The following EZH2 variants were observed in gnomAD, a reference collection of about 807,000 sequenced individuals.
EZH2 encodes histone-lysine N-methyltransferase EZH2.
In EZH2, 18 loss-of-function variants were observed where a neutral mutation model predicts 98.4. That is an observed-to-expected ratio of 0.18 (90% CI 0.13 to 0.27). EZH2 has a LOEUF of 0.27. Among genes scored for constraint, EZH2 ranks in the 10% least tolerant of loss-of-function variants. The pLI is 1.00. For synonymous variants in EZH2, 338 were observed against 312.3 expected, an observed-to-expected ratio of 1.08 and a Z score of -0.87; for missense variants, 470 against 935.1, an observed-to-expected ratio of 0.50 and a Z score of 6.49.
At chr7:148,836,789 T>C (rs1471542782) in intron 3 of EZH2, 1 of 484,170 alleles carries the variant, frequency 2.1e-6, no homozygotes, top group Non-Finnish European at 4.1e-6. Flanking sequence ...TACTGGTAAG[T>C]AACCAGGTTC....
intron 3 of EZH2, among the ~76,000 whole-genome samples, chr7:148,837,361 A>C (rs137995640): frequency 6.6e-6 from 1 of 152,214 alleles, no homozygotes; most frequent in African/African-American, 2.4e-5. Context: ...AGGAAGGTGC[A>C]GGAAGGTCGG....
Position 148,815,546 on chromosome 7 carries a change from C to T in EZH2, c.1506G>A (p.Arg502=). The change falls in exon 13 of 20, where the codon CGG becomes CGA. Residue 502 remains arginine, a splice_region_variant and synonymous_variant. Transcript: ENST00000320356. ...TPPRKKKRKH[R]LWAAHCRKIQ... is the part of the protein sequence containing the mutation. ...TCTTTCTGCAGTGTGCAGCCCACAA[C>T]CTGCAAAAACACAAAGAAAATTAAA... The T allele has an allele frequency of 1.2e-6, 2 of 1,614,112 alleles. No individual in the cohort carries two copies. Among genetic ancestry groups the T allele is most frequent in the Non-Finnish European group, 1.7e-6 (2 of 1,179,964 alleles).
chr7:148,839,493 G>A (rs1160634837), intron 3 of EZH2, among the ~76,000 whole-genome samples: 1 of 144,520 alleles, frequency 6.9e-6, no homozygotes, highest in African/African-American at 2.6e-5. Flanking sequence ...AGAAAAAACT[G>A]TATAACCAAG....
intron 8 of EZH2, among the ~76,000 whole-genome samples, chr7:148,822,212 A>T (rs573669600): frequency 1.3e-5 from 2 of 152,328 alleles, no homozygotes; most frequent in African/African-American, 2.4e-5. Flanking sequence ...ACTACTTTTT[A>T]AAAAATGTTT....
intron 1 of EZH2, among the ~76,000 whole-genome samples, chr7:148,879,638 C>A (rs576886989): frequency 1.4e-4 from 21 of 151,918 alleles, no homozygotes; most frequent in African/African-American, 4.3e-4. Flanking sequence ...TGCAGTGAGC[C>A]AAGATGGTGC....
intron 18 of EZH2, 58 bp from the exon 19 acceptor site, chr7:148,809,213 G>A (rs1319056676): frequency 1.3e-6 from 2 of 1,587,312 alleles, no homozygotes; most frequent in African/African-American, 2.7e-5. Flanking sequence ...GGGGTTAACT[G>A]ACTTGTTCAC....
chr7:148,823,579 G>T (rs936168059), intron 8 of EZH2, among the ~76,000 whole-genome samples: 3 of 151,550 alleles, frequency 2.0e-5, no homozygotes, highest in African/African-American at 7.3e-5. Flanking sequence ...AATAAAAGTG[G>T]AAGAGTGAGG....
intron 15 of EZH2, among the ~76,000 whole-genome samples, chr7:148,812,309 C>T (rs1803306570): frequency 6.6e-6 from 1 of 152,138 alleles, no homozygotes; most frequent in Non-Finnish European, 1.5e-5. Flanking sequence ...TCTTGTCAGT[C>T]CAGTAGTCTA....
At position 148,868,454 on chromosome 7, in the gene EZH2, G is replaced by A. The variant is rs573438521; in HGVS notation, c.-8+15710C>T. ...ATAATTTTAAACAACCAGATCTCAC[G>A]AGAACTCACTGTCACGAGAACTCAC... On this transcript the variant is annotated intron_variant, in intron 1 of 19. Transcript: ENST00000320356. 1.6e-3 allele frequency among the ~76,000 whole-genome samples: 236 copies of A among 152,182 alleles called. 5 individuals carry two copies. In the South Asian group the frequency reaches 0.036, roughly 23 times the overall value.
At chr7:148,819,555 C>A (rs1462967244) in intron 9 of EZH2, 41 bp downstream of exon 9, 1 of 1,544,024 alleles carries the variant, frequency 6.5e-7, no homozygotes, top group South Asian at 1.1e-5. Flanking sequence ...GTGCAAAGTC[C>A]TCTCAAGTAC....
chr7:148,861,056 T>C (rs1817594604), intron 1 of EZH2, among the ~76,000 whole-genome samples: 2 of 152,140 alleles, frequency 1.3e-5, no homozygotes, highest in Non-Finnish European at 1.5e-5. Flanking sequence ...AGGAACTTCA[T>C]GGATACCAAA....
intron 19 of EZH2, among the ~76,000 whole-genome samples, chr7:148,808,094 T>C (rs922342816): frequency 2.0e-5 from 3 of 152,058 alleles, no homozygotes; most frequent in African/African-American, 4.8e-5. Flanking sequence ...ATGATGACCA[T>C]AGCAAAGAGG....
intron 1 of EZH2, among the ~76,000 whole-genome samples, chr7:148,877,506 A>G (rs1277386894): frequency 6.6e-6 from 1 of 152,216 alleles, no homozygotes; most frequent in African/African-American, 2.4e-5. Context: ...AGGATTTCAC[A>G]TGTATCAATT....
chr7:148,825,951 A>AT (rs986238345), intron 8 of EZH2, among the ~76,000 whole-genome samples: 1 of 152,176 alleles, frequency 6.6e-6, no homozygotes, highest in African/African-American at 2.4e-5. Flanking sequence ...CCATACTTAC[A>AT]TTTTCACTAA....
Position 148,816,829 on chromosome 7 carries a change from A to G in EZH2, c.1411-51T>C, listed in dbSNP as rs375799622. ...CATGAGGACAGTCTTATTTAGGCAA[A>G]CCATTCTTATACTCATGCATACCAG... is the stretch of plus-strand genomic sequence containing the variant. On this transcript the variant is annotated intron_variant, in intron 11 of 19. Coordinates refer to ENST00000320356, the MANE Select transcript of EZH2 (RefSeq NM_004456.5). The G allele has an allele frequency of 2.1e-5, 28 of 1,357,464 alleles. No individual in the cohort carries two copies. The African/African-American group carries it at 3.6e-4, about 17-fold the overall frequency. The allele number at this position is 1,357,464 out of a possible 1,614,324, so 84.1% of individuals were successfully genotyped here.
chr7:148,865,404 G>T (rs1021134256), intron 1 of EZH2, among the ~76,000 whole-genome samples: 2 of 152,130 alleles, frequency 1.3e-5, no homozygotes, highest in Non-Finnish European at 2.9e-5. Context: ...GTAAATACAA[G>T]GGTTCTACCC....
At chr7:148,845,242 T>C (rs554178917) in intron 3 of EZH2, among the ~76,000 whole-genome samples, 2 of 152,204 alleles carry the variant, frequency 1.3e-5, no homozygotes, top group Non-Finnish European at 2.9e-5. Flanking sequence ...ATAAAAACTT[T>C]CAAAGCAATT....
intron 1 of EZH2, among the ~76,000 whole-genome samples, chr7:148,856,050 C>T (rs570283093): frequency 2.0e-5 from 3 of 150,986 alleles, no homozygotes; most frequent in East Asian, 3.9e-4. Flanking sequence ...AAAAACAAAA[C>T]AGGATGTCAG....
In EZH2 at chr7:148,809,175, T is replaced by C. The variant is rs749511355; in HGVS notation, c.2111-20A>G. Reference sequence around the variant, plus strand: ...TCATAACTGCAAAGAGACACACTGGTGTCAGTGAGCATGAAGACGGGCCAC... The same window carrying C: ...TCATAACTGCAAAGAGACACACTGGCGTCAGTGAGCATGAAGACGGGCCAC... On this transcript the variant is annotated intron_variant, in intron 18 of 19. Transcript: ENST00000320356. 3 of 1,611,896 alleles carry C rather than the reference T, an allele frequency of 1.9e-6. No homozygotes were observed. Among genetic ancestry groups the C allele is most frequent in the Non-Finnish European group, 2.5e-6 (3 of 1,178,072 alleles).
Sources: allele counts gnomAD v4.1 joint callset (sites outside exome capture counted in the v4.1 genomes callset), GRCh38; gene constraint gnomAD v4.1.1; transcripts MANE v1.5; gene names NCBI Gene and HGNC (gene_info 2026-07-23, HGNC 2026-07-21).